OOEP: variants seen among roughly 807,000 people sequenced by gnomAD.
The protein encoded by OOEP is oocyte-expressed protein homolog.
A neutral mutation model predicts 13.7 loss-of-function variants in OOEP; 16 were observed. The observed-to-expected ratio is 1.16, with a 90% CI of 0.79 to 1.77. The LOEUF (loss-of-function observed/expected upper bound fraction) is 1.77. Ranked by LOEUF, OOEP falls within the 40% of genes most tolerant of loss-of-function variation. OOEP has a pLI of 0.00. For synonymous variants in OOEP, 89 were observed against 77.1 expected, an observed-to-expected ratio of 1.15 and a Z score of -0.81; for missense variants, 195 against 193.1, an observed-to-expected ratio of 1.01 and a Z score of -0.06.
exon 1 of OOEP, chr6:73,394,967 C>T: frequency 6.2e-7 from 1 of 1,614,232 alleles, no homozygotes; most frequent in East Asian, 2.2e-5. Context: ...CGGCGAAGCT[C>T]GACAGTGTCC....
Position 73,394,949 on chromosome 6 carries a change from T to C in OOEP, c.-349A>G, listed in dbSNP as rs375793748. The C allele has an allele frequency of 2.4e-5, 39 of 1,614,110 alleles. 1 individual carries two copies. Among genetic ancestry groups the C allele is most frequent in the Admixed American group, 6.7e-5 (4 of 60,014 alleles). ...GCTCCCAAGGCCTCTACGTGGGTCG[T>C]TGCTAGTCGGCGAAGCTCGACAGTG... is the stretch of plus-strand genomic sequence containing the variant. On this transcript the variant is annotated 5_prime_UTR_variant, in exon 1 of 4. Transcript: ENST00000370363.
At chr6:73,369,064 C>A in intron 2 of OOEP, 142 bp downstream of exon 2, 1 of 922,582 alleles carries the variant, frequency 1.1e-6, no homozygotes, top group Admixed American at 2.6e-5. Flanking sequence ...GATCCCCTCC[C>A]AACAAACTTC....
chr6:73,374,181 C>A (rs1769102762), upstream of OOEP, among the ~76,000 whole-genome samples: 1 of 151,966 alleles, frequency 6.6e-6, no homozygotes, highest in African/African-American at 2.4e-5. Context: ...GAGACCCCAT[C>A]TCTAAAAAAA....
At chr6:73,386,178 T>G (rs1016562823) in intron 2 of OOEP, among the ~76,000 whole-genome samples, 2 of 150,034 alleles carry the variant, frequency 1.3e-5, no homozygotes, top group Non-Finnish European at 3.0e-5. Flanking sequence ...CACTGCAACC[T>G]CTGCCTCCCG....
upstream of OOEP, chr6:73,373,384 G>A: frequency 2.0e-6 from 2 of 1,000,066 alleles, no homozygotes; most frequent in Non-Finnish European, 3.1e-6. Context: ...GAGTGCAGTG[G>A]CACGATCTCA....
intron 2 of OOEP, among the ~76,000 whole-genome samples, chr6:73,387,952 T>C (rs1006177237): frequency 3.9e-5 from 6 of 152,192 alleles, no homozygotes; most frequent in African/African-American, 1.4e-4. Flanking sequence ...GACCTGCAAC[T>C]TCCGCCTCCT....
intron 2 of OOEP, chr6:73,391,114 T>C (rs550100338): frequency 3.3e-5 from 5 of 152,330 alleles, no homozygotes; most frequent in African/African-American, 1.2e-4. Context: ...GTGTTTTTCT[T>C]TGGCTTCCTT....
exon 1 of OOEP, chr6:73,394,979 G>A: frequency 6.2e-7 from 1 of 1,614,244 alleles, no homozygotes; most frequent in South Asian, 1.1e-5. Flanking sequence ...ACAGTGTCCC[G>A]AGCGCCAGAG....
intron 2 of OOEP, among the ~76,000 whole-genome samples, chr6:73,385,425 C>T (rs1312443647): frequency 6.6e-6 from 1 of 151,900 alleles, no homozygotes; most frequent in Admixed American, 6.6e-5. Flanking sequence ...GGGGATTTAT[C>T]CCAGGAATGC....
intron 2 of OOEP, among the ~76,000 whole-genome samples, chr6:73,380,210 G>T (rs1392597417): frequency 6.6e-6 from 1 of 151,098 alleles, no homozygotes; most frequent in East Asian, 1.9e-4. Flanking sequence ...AATTGGGAAG[G>T]TGTCAAGACA....
exon 2 of OOEP, chr6:73,394,407 G>T: frequency 1.4e-6 from 1 of 713,744 alleles, no homozygotes; most frequent in South Asian, 1.5e-5. Context: ...CCAGCACTTT[G>T]GGAGGCCGAG....
intron 2 of OOEP, among the ~76,000 whole-genome samples, chr6:73,382,254 G>C (rs895690722): frequency 7.6e-6 from 1 of 130,760 alleles, no homozygotes; most frequent in Non-Finnish European, 1.6e-5. Flanking sequence ...GTCTCGCTGT[G>C]TTGCCCAGGC....
chr6:73,378,665 C>T, intron 2 of OOEP, among the ~76,000 whole-genome samples: 1 of 151,930 alleles, frequency 6.6e-6, no homozygotes. Flanking sequence ...GAGTTTGAGA[C>T]CAGCCTGGCC....
intron 2 of OOEP, among the ~76,000 whole-genome samples, chr6:73,385,016 T>C (rs1313164573): frequency 6.7e-6 from 1 of 149,262 alleles, no homozygotes; most frequent in East Asian, 2.1e-4. Context: ...GGATTACAGG[T>C]GTAGCCACCA....
In OOEP at chr6:73,389,700, G is replaced by T. The variant is rs1255216122; in HGVS notation, c.25+4646C>A. Reference sequence around the variant, plus strand: ...CACACACCGGGGACTGTTGTGGGGTGGGGGGAGGGGGGAAGGGATAGCATT... The same window carrying T: ...CACACACCGGGGACTGTTGTGGGGTTGGGGGAGGGGGGAAGGGATAGCATT... On this transcript the variant is annotated intron_variant, in intron 2 of 3. Transcript: ENST00000370363. 2.7e-5 allele frequency among the ~76,000 whole-genome samples: 4 copies of T among 147,990 alleles called. No homozygotes were observed. The South Asian group carries it at 6.5e-4, about 24-fold the overall frequency.
chr6:73,369,449 G>A, intron 1 of OOEP, 64 bp from the exon 2 acceptor site: 2 of 1,550,846 alleles, frequency 1.3e-6, no homozygotes, highest in South Asian at 2.4e-5. Context: ...GGATTTGAAG[G>A]GAATGTTGGC....
At chr6:73,395,101 G>A (rs1769438196), upstream of OOEP, 1 of 1,614,034 alleles carries the variant, frequency 6.2e-7, no homozygotes, top group African/African-American at 1.3e-5. Context: ...CGCTGGTCAC[G>A]AGGAACTGCC....
At chr6:73,376,354 T>TG (rs1180068869) in intron 2 of OOEP, among the ~76,000 whole-genome samples, 2 of 39,626 alleles carry the variant, frequency 5.0e-5, no homozygotes, top group Non-Finnish European at 1.4e-4. Flanking sequence ...GTTTTTTTTT[T>TG]TTTTTTTTTT....
At chr6:73,379,321 G>A (rs1031296628) in intron 2 of OOEP, among the ~76,000 whole-genome samples, 1 of 149,394 alleles carries the variant, frequency 6.7e-6, no homozygotes, top group Non-Finnish European at 1.5e-5. Context: ...ACCATGCCTG[G>A]CCTGAAAAAT....
Sources: allele counts gnomAD v4.1 joint callset (sites outside exome capture counted in the v4.1 genomes callset), GRCh38; gene constraint gnomAD v4.1.1; transcripts MANE v1.5; gene names NCBI Gene and HGNC (gene_info 2026-07-23, HGNC 2026-07-21).